ARAP2: variants seen among roughly 807,000 people sequenced by gnomAD.
ARAP2 encodes the protein ArfGAP with RhoGAP domain, ankyrin repeat and PH domain 2, also known as arf-GAP with Rho-GAP domain, ANK repeat and PH domain-containing protein 2.
A neutral mutation model predicts 194.5 loss-of-function variants in ARAP2; 148 were observed. The ratio of observed to expected loss-of-function variants is 0.76; its 90% CI spans 0.67 to 0.87. The LOEUF is 0.87. Ranked by LOEUF, ARAP2 falls within the 40% of genes least tolerant of loss-of-function variation. The pLI is 0.00. For missense variants in ARAP2, 2,128 were observed against 1,989.7 expected, an observed-to-expected ratio of 1.07 and a Z score of -1.32; for synonymous variants, 695 against 683.5, an observed-to-expected ratio of 1.02 and a Z score of -0.26.
chr4:36,182,495 C>CTAAG (rs1739523271), intron 8 of ARAP2, among the ~76,000 whole-genome samples: 2 of 140,784 alleles, frequency 1.4e-5, no homozygotes, highest in African/African-American at 5.3e-5. Flanking sequence ...GACTCCATCT[C>CTAAG]TAAATAAATA....
At chr4:36,095,927 T>C (rs1377946651) in intron 27 of ARAP2, among the ~76,000 whole-genome samples, 1 of 152,146 alleles carries the variant, frequency 6.6e-6, no homozygotes, top group Non-Finnish European at 1.5e-5. Context: ...TTGTGGGCCT[T>C]ACACAGGATA....
intron 13 of ARAP2, chr4:36,159,854 T>C (rs913769477): frequency 6.2e-6 from 1 of 161,930 alleles, no homozygotes; most frequent in African/African-American, 2.4e-5. Context: ...AATAATGAAG[T>C]AACCATTAAG....
intron 21 of ARAP2, among the ~76,000 whole-genome samples, chr4:36,125,912 A>G (rs1393946268): frequency 3.9e-5 from 6 of 152,044 alleles, no homozygotes; most frequent in Admixed American, 3.9e-4. Context: ...TACCTCTTCT[A>G]TTCACAGAAA....
intron 2 of ARAP2, among the ~76,000 whole-genome samples, chr4:36,219,612 T>C (rs1463599326): frequency 6.6e-6 from 1 of 152,194 alleles, no homozygotes; most frequent in African/African-American, 2.4e-5. Context: ...CATGTATATA[T>C]GGAAAATTAG....
In ARAP2 at chr4:36,066,997, T is replaced by A. The variant is rs1306010720; in HGVS notation, c.*910A>T. On this transcript the variant is annotated 3_prime_UTR_variant, in exon 33 of 33. Coordinates refer to ENST00000303965, the MANE Select transcript of ARAP2 (RefSeq NM_015230.4). ...AACAACAGGACCCTGTGGTGATGAA[T>A]TTTGTTCGTACCAAAAGTATAGTCA... The A allele has an allele frequency of 2.0e-5, 3 of 152,190 alleles. 1 individual carries two copies. 9.4% of individuals were successfully genotyped at this position (152,190 alleles called of 1,614,324 possible).
At chr4:36,063,295 C>G (rs747716868), downstream of ARAP2, among the ~76,000 whole-genome samples, 2 of 151,818 alleles carry the variant, frequency 1.3e-5, no homozygotes, top group Non-Finnish European at 2.9e-5. Flanking sequence ...ACATCACACA[C>G]TGGGGCCTGT....
intron 25 of ARAP2, among the ~76,000 whole-genome samples, chr4:36,116,670 C>T (rs1036063974): frequency 1.3e-5 from 2 of 151,784 alleles, no homozygotes; most frequent in African/African-American, 2.4e-5. Flanking sequence ...AAGGGTTTTA[C>T]ATGCATTATC....
At chr4:36,196,359 C>CG (rs1389595724) in intron 6 of ARAP2, among the ~76,000 whole-genome samples, 1 of 152,104 alleles carries the variant, frequency 6.6e-6, no homozygotes, top group Non-Finnish European at 1.5e-5. Flanking sequence ...AAGGATCAGT[C>CG]GAAGATGCAG....
intron 1 of ARAP2, among the ~76,000 whole-genome samples, chr4:36,242,400 A>G (rs1358249946): frequency 1.3e-5 from 2 of 152,332 alleles, no homozygotes; most frequent in East Asian, 1.9e-4. Flanking sequence ...TAGCATTTTT[A>G]TAGTCACTTT....
At chr4:36,007,361 A>G (rs1352219495) in intron 9 of ARAP2, among the ~76,000 whole-genome samples, 1 of 152,202 alleles carries the variant, frequency 6.6e-6, no homozygotes, top group Non-Finnish European at 1.5e-5. Context: ...ACATCCATTG[A>G]TAAGAAGGAT....
chr4:36,049,142 T>C (rs942278277), intron 3 of ARAP2, among the ~76,000 whole-genome samples: 2 of 151,910 alleles, frequency 1.3e-5, no homozygotes, highest in South Asian at 4.1e-4. Context: ...TATCTATTTC[T>C]GTAAAAAAAA....
At chr4:36,211,160 C>CCT in intron 5 of ARAP2, among the ~76,000 whole-genome samples, 1 of 152,020 alleles carries the variant, frequency 6.6e-6, no homozygotes, top group East Asian at 1.9e-4. Flanking sequence ...TTTGCTTACC[C>CCT]CTCTCTACTA....
At chr4:36,148,069 C>A (rs1730065830) in intron 17 of ARAP2, among the ~76,000 whole-genome samples, 1 of 152,136 alleles carries the variant, frequency 6.6e-6, no homozygotes, top group South Asian at 2.1e-4. Flanking sequence ...TTTCCTGAAT[C>A]TGCTCTTTTC....
chr4:36,214,022 G>A (rs570963327), intron 3 of ARAP2, among the ~76,000 whole-genome samples: 1 of 152,178 alleles, frequency 6.6e-6, no homozygotes, highest in Admixed American at 6.5e-5. Context: ...TGAAAGAAAA[G>A]CCTCTGTCAC....
intron 26 of ARAP2, among the ~76,000 whole-genome samples, chr4:36,110,649 T>C (rs931833412): frequency 2.6e-5 from 4 of 151,950 alleles, no homozygotes; most frequent in African/African-American, 7.2e-5. Flanking sequence ...CAATGTAATA[T>C]AAAATGAAAA....
At chr4:36,096,297 G>A (rs541230061) in intron 27 of ARAP2, among the ~76,000 whole-genome samples, 313 of 149,534 alleles carry the variant, frequency 2.1e-3, no homozygotes, top group African/African-American at 7.3e-3. Context: ...CCTGAGAGGC[G>A]GAGGTTGAAG....
At chr4:36,177,038 C>CA (rs567896207) in intron 9 of ARAP2, among the ~76,000 whole-genome samples, 73 of 145,220 alleles carry the variant, frequency 5.0e-4, no homozygotes, top group East Asian at 1.2e-3. Context: ...GGAGTTCTTC[C>CA]AAAAAAAAAG....
intron 8 of ARAP2, among the ~76,000 whole-genome samples, chr4:36,180,867 C>T (rs1294656594): frequency 6.6e-6 from 1 of 152,196 alleles, no homozygotes; most frequent in Non-Finnish European, 1.5e-5. Context: ...TTAATAGTAG[C>T]ATTCAGTTTA....
chr4:36,093,185 C>A (rs532189987), intron 27 of ARAP2, among the ~76,000 whole-genome samples: 1 of 151,972 alleles, frequency 6.6e-6, no homozygotes, highest in South Asian at 2.1e-4. Flanking sequence ...AGGGGAACAA[C>A]ACACACTGGG....
Sources: gnomAD v4.1 joint callset for allele counts (sites outside exome capture counted in the v4.1 genomes callset) on GRCh38, gnomAD v4.1.1 for gene constraint, MANE v1.5 for transcripts, NCBI Gene and HGNC (gene_info 2026-07-23, HGNC 2026-07-21) for gene names.